TBC1D22B: variants seen among roughly 807,000 people sequenced by gnomAD.
TBC1D22B encodes TBC1 domain family member 22B, also known as chromosome 6 open reading frame 197.
Under a neutral mutation model 69.1 loss-of-function variants are expected in TBC1D22B, and 32 were observed. That is an observed-to-expected ratio of 0.46 (90% CI 0.35 to 0.62). The LOEUF is 0.62. TBC1D22B is among the 20% of genes least tolerant of loss of function. TBC1D22B has a pLI of 0.00. For synonymous variants in TBC1D22B, 206 were observed against 229.8 expected (o/e 0.90, Z 0.94); for missense variants, 462 against 630.9 (o/e 0.73, Z 2.87).
At chr6:37,320,338 C>T (rs967446373) in intron 12 of TBC1D22B, among the ~76,000 whole-genome samples, 15 of 152,132 alleles carry the variant, frequency 9.9e-5, no homozygotes, top group African/African-American at 2.7e-4. Flanking sequence ...TTCTCTGTGC[C>T]TCCGTTTTCT....
intron 7 of TBC1D22B, 49 bp from the exon 8 acceptor site, chr6:37,291,194 G>T: frequency 7.8e-7 from 1 of 1,286,394 alleles, no homozygotes; most frequent in Non-Finnish European, 1.1e-6. Context: ...GGGAAGGAGT[G>T]TGTGTCCCCG....
intron 8 of TBC1D22B, among the ~76,000 whole-genome samples, chr6:37,298,857 A>G (rs866887530): frequency 6.6e-6 from 1 of 152,042 alleles, no homozygotes; most frequent in African/African-American, 2.4e-5. Flanking sequence ...AGTTGCCTAC[A>G]GTTTTTAGCT....
rs1009742633 is a variant in TBC1D22B, at chr6:37,316,976, T to C, written c.1294-135T>C. 14 of 1,492,666 alleles carry C rather than the reference T, an allele frequency of 9.4e-6. No individual in the cohort carries two copies. The Admixed American group carries it at 2.3e-4, about 25-fold the overall frequency. The allele number at this position is 1,492,666 out of a possible 1,614,324, so 92.5% of individuals were successfully genotyped here. On this transcript the variant is annotated intron_variant, in intron 11 of 12. Transcript: ENST00000373491. ...TGCTTTAGCCTCAGGGCAGGGCCTT[T>C]GCTAAGTCTCTTCAGAACTCCATCT...
chr6:37,327,345 G>A (rs954027673), intron 12 of TBC1D22B, among the ~76,000 whole-genome samples: 3 of 135,140 alleles, frequency 2.2e-5, no homozygotes, highest in Non-Finnish European at 1.5e-5. Flanking sequence ...GGGCGTGGTG[G>A]TGGGCGCCTG....
chr6:37,267,337 TATA>T (rs1417558706), intron 1 of TBC1D22B, among the ~76,000 whole-genome samples: 1 of 137,562 alleles, frequency 7.3e-6, no homozygotes, highest in African/African-American at 3.0e-5. Flanking sequence ...CACACACATA[TATA>T]ATATATATAT....
intron 2 of TBC1D22B, among the ~76,000 whole-genome samples, chr6:37,275,986 A>G (rs953583656): frequency 3.9e-5 from 5 of 127,160 alleles, no homozygotes; most frequent in Non-Finnish European, 6.2e-5. Flanking sequence ...TTTTTTGGAG[A>G]TGGAGTCTTG....
At chr6:37,282,001 G>A (rs967921099) in intron 3 of TBC1D22B, among the ~76,000 whole-genome samples, 184 bp from the exon 4 acceptor site, 14 of 152,092 alleles carry the variant, frequency 9.2e-5, no homozygotes, top group Admixed American at 4.6e-4. Context: ...CCTTTCTCTG[G>A]GCAGTGAATG....
At chr6:37,267,877 TAAA>T (rs958606663) in intron 1 of TBC1D22B, among the ~76,000 whole-genome samples, 127 of 152,350 alleles carry the variant, frequency 8.3e-4, no homozygotes, top group African/African-American at 2.8e-3. Flanking sequence ...CTATCTGCTT[TAAA>T]TATCTTCTGA....
intron 8 of TBC1D22B, among the ~76,000 whole-genome samples, chr6:37,292,517 G>A (rs1167027809): frequency 6.6e-6 from 1 of 152,000 alleles, no homozygotes; most frequent in African/African-American, 2.4e-5. Flanking sequence ...TGGAAGCAGC[G>A]TAATTCTGCT....
chr6:37,269,293 G>A (rs1766405935), intron 1 of TBC1D22B, among the ~76,000 whole-genome samples: 1 of 152,160 alleles, frequency 6.6e-6, no homozygotes, highest in African/African-American at 2.4e-5. Flanking sequence ...TGCCAGAACT[G>A]GCATTTGAAC....
chr6:37,312,066 G>A (rs1452479636), intron 8 of TBC1D22B, among the ~76,000 whole-genome samples: 1 of 152,182 alleles, frequency 6.6e-6, no homozygotes, highest in Non-Finnish European at 1.5e-5. Context: ...CTCAGTGGGA[G>A]GTTTCCATGA....
intron 12 of TBC1D22B, among the ~76,000 whole-genome samples, chr6:37,318,459 A>G (rs1768145084): frequency 6.6e-6 from 1 of 152,184 alleles, no homozygotes; most frequent in Admixed American, 6.5e-5. Context: ...AGACTAGGCA[A>G]ATATATCTTG....
At chr6:37,258,743 C>T (rs1244623449) in intron 1 of TBC1D22B, among the ~76,000 whole-genome samples, 6 of 152,222 alleles carry the variant, frequency 3.9e-5, no homozygotes, top group East Asian at 1.9e-4. Context: ...GCAAATTATC[C>T]ATCCATCAAT....
intron 12 of TBC1D22B, among the ~76,000 whole-genome samples, chr6:37,330,000 A>G (rs1562072327): frequency 6.6e-6 from 1 of 152,206 alleles, no homozygotes; most frequent in Non-Finnish European, 1.5e-5. Context: ...TACACTGAGA[A>G]CTGCAGAATG....
rs1581642508 is a variant in TBC1D22B at position 37,330,253 on chromosome 6, T to C, written c.1390-791T>C. 1.1e-4 allele frequency among the ~76,000 whole-genome samples: 9 copies of C among 82,034 alleles called. No individual in the cohort carries two copies. The South Asian group carries it at 4.2e-3, about 38-fold the overall frequency. 53.8% of individuals were successfully genotyped at this position (82,034 alleles called of 152,430 possible). On this transcript the variant is annotated intron_variant, in intron 12 of 12. Transcript: ENST00000373491. ...TTTTTTTTTTTTTTTTTTTTTTTTT[T>C]TTTTGAGACAGAGTCTCACTCAGTC...
chr6:37,312,618 A>G (rs1767949525), intron 8 of TBC1D22B, among the ~76,000 whole-genome samples: 1 of 152,184 alleles, frequency 6.6e-6, no homozygotes, highest in Admixed American at 6.5e-5. Flanking sequence ...CTGAAGTATC[A>G]TTTTCTAAAA....
At chr6:37,325,540 CTTTTTTTTTTT>C (rs70977648) in intron 12 of TBC1D22B, among the ~76,000 whole-genome samples, 49 of 77,178 alleles carry the variant, frequency 6.3e-4, no homozygotes, top group Non-Finnish European at 3.6e-4. Context: ...ATCGTTTCTA[CTTTTTTTTTTT>C]TTTTTTTTTT....
At chr6:37,318,377 AG>A (rs1272990281) in intron 12 of TBC1D22B, among the ~76,000 whole-genome samples, 1 of 152,240 alleles carries the variant, frequency 6.6e-6, no homozygotes, top group Non-Finnish European at 1.5e-5. Flanking sequence ...AGAAGGCTAC[AG>A]TGGGGACAGC....
At chr6:37,293,218 C>CA (rs754820333) in intron 8 of TBC1D22B, among the ~76,000 whole-genome samples, 38 of 151,826 alleles carry the variant, frequency 2.5e-4, no homozygotes, top group Non-Finnish European at 4.7e-4. Context: ...GCTGGGACTA[C>CA]AGGCGCCTGC....
Sources: gnomAD v4.1 joint callset for allele counts (sites outside exome capture counted in the v4.1 genomes callset) on GRCh38, gnomAD v4.1.1 for gene constraint, MANE v1.5 for transcripts, NCBI Gene and HGNC (gene_info 2026-07-23, HGNC 2026-07-21) for gene names.